The following SCARA3 variants were observed in gnomAD, a reference collection of about 807,000 sequenced individuals.
The protein encoded by SCARA3 is scavenger receptor class A member 3.
In SCARA3, 39 loss-of-function variants were observed where a neutral mutation model predicts 47.0. The ratio of observed to expected loss-of-function variants is 0.83; its 90% CI spans 0.64 to 1.08. The LOEUF (loss-of-function observed/expected upper bound fraction) is 1.08. Ranked by LOEUF, SCARA3 falls within the 50% of genes least tolerant of loss-of-function variation. SCARA3 has a pLI of 0.00. For missense variants in SCARA3, 724 were observed against 792.3 expected (o/e 0.91, Z 1.04); for synonymous variants, 356 against 334.1 (o/e 1.07, Z -0.71).
Position 27,672,785 on chromosome 8 carries a change from T to C in SCARA3, c.*1434T>C. The C allele has an allele frequency of 1.0e-6, 1 of 985,594 alleles. No individual in the cohort carries two copies. Among genetic ancestry groups the C allele is most frequent in the African/African-American group, 1.7e-5 (1 of 57,366 alleles). The allele number at this position is 985,594 out of a possible 1,614,324, so 61.1% of individuals were successfully genotyped here. ...TGCTTTGCCTTCATGTTCAAACAGA[T>C]TCAGGCACCACCCCCTCCACCGCCC... On this transcript the variant is annotated 3_prime_UTR_variant, in exon 6 of 6. Transcript: ENST00000301904.
chr8:27,725,811 C>A, the SCARA3 span, among the ~76,000 whole-genome samples: 10,613 of 152,208 alleles, frequency 0.07, 516 homozygotes, highest in Non-Finnish European at 0.1. Flanking sequence ...CCTCTGTCCG[C>A]AGATGCCTGC....
the SCARA3 span, among the ~76,000 whole-genome samples, chr8:27,696,409 C>T: frequency 6.4e-4 from 98 of 152,200 alleles, no homozygotes; most frequent in Non-Finnish European, 1.2e-3. Flanking sequence ...AGATCAGAAA[C>T]AATGAAATGA....
chr8:27,684,424 G>A, the SCARA3 span, among the ~76,000 whole-genome samples: 5 of 152,176 alleles, frequency 3.3e-5, no homozygotes, highest in African/African-American at 1.2e-4. Context: ...TGTGGCCCAC[G>A]CCTGTAATCC....
chr8:27,689,763 G>C, the SCARA3 span, among the ~76,000 whole-genome samples: 3 of 152,178 alleles, frequency 2.0e-5, no homozygotes, highest in African/African-American at 7.2e-5. Flanking sequence ...ACCTAGCAGA[G>C]GATCCTGGGC....
intron 3 of SCARA3, among the ~76,000 whole-genome samples, chr8:27,654,978 C>T (rs1266675151): frequency 6.6e-6 from 1 of 152,094 alleles, no homozygotes; most frequent in Non-Finnish European, 1.5e-5. Flanking sequence ...TAGGGAGGCT[C>T]AAATGGAATC....
At chr8:27,684,068 A>G in the SCARA3 span, among the ~76,000 whole-genome samples, 1 of 152,196 alleles carries the variant, frequency 6.6e-6, no homozygotes, top group African/African-American at 2.4e-5. Flanking sequence ...GAGCTGATAG[A>G]AAAAAACATA....
the SCARA3 span, among the ~76,000 whole-genome samples, chr8:27,718,358 C>T: frequency 4.6e-5 from 7 of 152,358 alleles, no homozygotes; most frequent in South Asian, 2.1e-4. Flanking sequence ...TCAGGTGTCT[C>T]GTGAACATTT....
At chr8:27,645,931 C>T (rs1021010851) in intron 1 of SCARA3, among the ~76,000 whole-genome samples, 9 of 152,190 alleles carry the variant, frequency 5.9e-5, no homozygotes, top group Non-Finnish European at 1.2e-4. Context: ...TCAGAACAAT[C>T]TTGGTATAAC....
chr8:27,672,908 A>G lies in SCARA3; in HGVS notation c.*1557A>G. ...TTCCGCACCCTCCTGACTGTCCTGG[A>G]TGTGCAACTGGTTTGCACTGCACAC... On this transcript the variant is annotated 3_prime_UTR_variant, in exon 6 of 6. Coordinates refer to ENST00000301904, the MANE Select transcript of SCARA3 (RefSeq NM_016240.3). The G allele has an allele frequency of 1.0e-6, 1 of 985,654 alleles. No homozygotes were observed. The highest frequency in any genetic ancestry group is 1.2e-6 in the Non-Finnish European group (1 of 830,086). The allele number at this position is 985,654 out of a possible 1,614,324, so 61.1% of individuals were successfully genotyped here. A position where few individuals can be genotyped will look rare whatever the true frequency, so the allele number is the denominator to read the frequency against.
Position 27,672,848 on chromosome 8 carries a change from G to T in SCARA3, c.*1497G>T, listed in dbSNP as rs144125464. 2.2e-5 allele frequency: 22 copies of T among 985,472 alleles called. No homozygotes were observed. The highest frequency in any genetic ancestry group is 2.7e-5 in the Non-Finnish European group (22 of 830,070). The allele number at this position is 985,472 out of a possible 1,614,324, so 61.0% of individuals were successfully genotyped here. ...CATAGAGTTGTCTCCTTCCCAACAC[G>T]GACCCAGAGAGCAGCCCTTCCCTGC... is the stretch of plus-strand genomic sequence containing the variant. On this transcript the variant is annotated 3_prime_UTR_variant, in exon 6 of 6. Coordinates refer to ENST00000301904, the MANE Select transcript of SCARA3 (RefSeq NM_016240.3).
At chr8:27,639,260 C>T (rs143313266) in intron 1 of SCARA3, among the ~76,000 whole-genome samples, 2 of 152,244 alleles carry the variant, frequency 1.3e-5, no homozygotes, top group African/African-American at 4.8e-5. Context: ...TGCTTTCTGC[C>T]CTCCCAGCAG....
the SCARA3 span, among the ~76,000 whole-genome samples, chr8:27,727,992 T>G: frequency 6.6e-6 from 1 of 152,282 alleles, no homozygotes; most frequent in Non-Finnish European, 1.5e-5. Flanking sequence ...AACTTGGCGA[T>G]GGGCCGGGGG....
chr8:27,675,963 A>G (rs1022040256), downstream of SCARA3, among the ~76,000 whole-genome samples: 1 of 152,100 alleles, frequency 6.6e-6, no homozygotes, highest in Admixed American at 6.5e-5. Flanking sequence ...CCCAGATAAA[A>G]CTTGAGAGCC....
chr8:27,671,989 AG>A lies in SCARA3; in HGVS notation c.*639del, dbSNP rs1802177784. The A allele has an allele frequency of 1.0e-6, 1 of 985,254 alleles. No individual in the cohort carries two copies. The highest frequency in any genetic ancestry group is 1.2e-6 in the Non-Finnish European group (1 of 829,926). The allele number at this position is 985,254 out of a possible 1,614,324, so 61.0% of individuals were successfully genotyped here. A position where few individuals can be genotyped will look rare whatever the true frequency, so the allele number is the denominator to read the frequency against. On this transcript the variant is annotated 3_prime_UTR_variant, in exon 6 of 6. Coordinates refer to ENST00000301904, the MANE Select transcript of SCARA3 (RefSeq NM_016240.3). ...CTGTCTCTGGGCACCCATGCTGGCC[AG>A]CAGTTTCCCAGGGCTCCCTGGGGTT...
At chr8:27,649,579 C>G (rs1801586007) in intron 1 of SCARA3, 123 bp from the exon 2 acceptor site, 9 of 904,928 alleles carry the variant, frequency 9.9e-6, no homozygotes, top group Non-Finnish European at 1.4e-5. Context: ...ATCAGGCCAC[C>G]TGGAGCTCAG....
the SCARA3 span, among the ~76,000 whole-genome samples, chr8:27,720,579 T>C: frequency 1.3e-5 from 2 of 152,104 alleles, no homozygotes; most frequent in Admixed American, 1.3e-4. Context: ...CAAATTAGGG[T>C]ATATTTCTGT....
At chr8:27,728,139 G>A in the SCARA3 span, among the ~76,000 whole-genome samples, 1 of 152,232 alleles carries the variant, frequency 6.6e-6, no homozygotes, top group Non-Finnish European at 1.5e-5. Context: ...GGTTTCCCTC[G>A]ATCACAGGGA....
the SCARA3 span, among the ~76,000 whole-genome samples, chr8:27,718,452 C>CA: frequency 6.6e-6 from 1 of 152,216 alleles, no homozygotes; most frequent in Non-Finnish European, 1.5e-5. Flanking sequence ...GAATGGGTTT[C>CA]AAATGAATTT....
At chr8:27,648,630 A>G (rs1585278843) in intron 1 of SCARA3, among the ~76,000 whole-genome samples, 1 of 152,198 alleles carries the variant, frequency 6.6e-6, no homozygotes. Flanking sequence ...GAAAAAAGGA[A>G]AACTTGAAGC....
Sources: allele counts gnomAD v4.1 joint callset (sites outside exome capture counted in the v4.1 genomes callset), GRCh38; gene constraint gnomAD v4.1.1; transcripts MANE v1.5; gene names NCBI Gene and HGNC (gene_info 2026-07-23, HGNC 2026-07-21).